ARHGAP42: variants seen among roughly 807,000 people sequenced by gnomAD.
ARHGAP42 encodes the protein rho GTPase-activating protein 42.
ARHGAP42 carries 63 observed loss-of-function variants against 125.0 expected under a neutral mutation model. That is an observed-to-expected ratio of 0.50 (90% confidence interval 0.41 to 0.62). The LOEUF (loss-of-function observed/expected upper bound fraction) is 0.62. Ranked by LOEUF, ARHGAP42 falls within the 20% of genes least tolerant of loss-of-function variation. The pLI is 0.00. For missense variants in ARHGAP42, 766 were observed against 1,024.2 expected (o/e 0.75, Z 3.44); for synonymous variants, 339 against 351.0 (o/e 0.97, Z 0.38).
intron 4 of ARHGAP42, among the ~76,000 whole-genome samples, chr11:100,906,746 A>C (rs1866749155): frequency 6.6e-6 from 1 of 152,096 alleles, no homozygotes; most frequent in South Asian, 2.1e-4. Flanking sequence ...TTCCTTATTT[A>C]CATTTAATTT....
chr11:100,937,428 T>G (rs758851579), intron 8 of ARHGAP42, among the ~76,000 whole-genome samples: 8 of 152,166 alleles, frequency 5.3e-5, no homozygotes, highest in Admixed American at 1.3e-4. Context: ...TTATTTTTTT[T>G]TTATTGTTAT....
In ARHGAP42 at chr11:100,687,487, G is replaced by A. The variant is rs1280641001; in HGVS notation, c.-192G>A. ...CCCGCGCCTGCGCTCGCCTAGCCTC[G>A]GGGGAGGAAGACTGAGCCCGGCGCA... On this transcript the variant is annotated 5_prime_UTR_variant, in exon 1 of 24. Coordinates refer to ENST00000298815, the MANE Select transcript of ARHGAP42 (RefSeq NM_152432.4). 3.6e-6 allele frequency: 1 copy of A among 278,156 alleles called. No individual in the cohort carries two copies. The highest frequency in any genetic ancestry group is 1.5e-4 in the South Asian group (1 of 6,530). The allele number at this position is 278,156 out of a possible 1,614,324, so 17.2% of individuals were successfully genotyped here.
chr11:100,851,747 C>T (rs2135128565), intron 3 of ARHGAP42, among the ~76,000 whole-genome samples: 1 of 152,300 alleles, frequency 6.6e-6, no homozygotes, highest in Non-Finnish European at 1.5e-5. Flanking sequence ...AGAACACATG[C>T]CCATTGTTAA....
intron 7 of ARHGAP42, among the ~76,000 whole-genome samples, chr11:100,933,966 T>C (rs12416898): frequency 0.046 from 7,004 of 152,208 alleles, 310 homozygotes; most frequent in East Asian, 0.25. Flanking sequence ...TTTGTATTTT[T>C]AGTAGAGACG....
intron 1 of ARHGAP42, among the ~76,000 whole-genome samples, chr11:100,748,484 G>T (rs1862359558): frequency 6.6e-6 from 1 of 152,194 alleles, no homozygotes; most frequent in South Asian, 2.1e-4. Context: ...ATTTTCAGTG[G>T]TTAATGTTAA....
In ARHGAP42 at chr11:100,974,025, C is replaced by T. The variant is rs556557682; in HGVS notation, c.1711-434C>T. Among the ~76,000 whole-genome samples the T allele has an allele frequency of 2.6e-5, 4 of 152,236 alleles. No individual in the cohort carries two copies. In the East Asian group the frequency reaches 5.8e-4, roughly 22 times the overall value. ...CTGTGTCCTGTAGCTCTGCACATAC[C>T]TTAACCTGCAGCTAGCCACACTCCT... is the stretch of plus-strand genomic sequence containing the variant. On this transcript the variant is annotated intron_variant, in intron 18 of 23. Transcript: ENST00000298815.
At position 100,973,251 on chromosome 11, in the gene ARHGAP42, G is replaced by C. The variant is rs755992509; in HGVS notation, c.1627G>C (p.Ala543Pro). 68 of 1,551,006 alleles carry C rather than the reference G, an allele frequency of 4.4e-5. No individual in the cohort carries two copies. Among genetic ancestry groups the C allele is most frequent in the Non-Finnish European group, 3.5e-6 (4 of 1,146,658 alleles). ...CATATTTGGCCCAACTCTAATGAGA[G>C]CACAGGAAGAAACTGTGGCTGCTAT... Reference protein sequence around the residue: ...GVIFGPTLMRAQEETVAAMMN... With the variant: ...GVIFGPTLMRPQEETVAAMMN... Residue 543 changes from alanine to proline, a missense_variant, in exon 18 of 24, where the codon GCA becomes CCA. Coordinates refer to ENST00000298815, the MANE Select transcript of ARHGAP42 (RefSeq NM_152432.4).
chr11:100,969,046 G>T (rs897367405), intron 17 of ARHGAP42, among the ~76,000 whole-genome samples: 6 of 152,098 alleles, frequency 3.9e-5, no homozygotes, highest in Non-Finnish European at 7.4e-5. Context: ...ATGCAGATCT[G>T]CTAGCAATAA....
chr11:100,942,963 T>C (rs1304309838), intron 9 of ARHGAP42, among the ~76,000 whole-genome samples: 1 of 152,010 alleles, frequency 6.6e-6, no homozygotes, highest in Non-Finnish European at 1.5e-5. Context: ...TTGATGACAT[T>C]TGTAGCCAAA....
At chr11:100,827,586 A>T (rs1217601850) in intron 3 of ARHGAP42, among the ~76,000 whole-genome samples, 1 of 152,154 alleles carries the variant, frequency 6.6e-6, no homozygotes. Flanking sequence ...AGGATGGGAA[A>T]CCTCATCAGT....
At chr11:100,959,231 G>C (rs1857892845) in intron 12 of ARHGAP42, among the ~76,000 whole-genome samples, 1 of 151,908 alleles carries the variant, frequency 6.6e-6, no homozygotes, top group African/African-American at 2.4e-5. Flanking sequence ...AATTAGAATT[G>C]ATCCAAAGAA....
At chr11:100,938,902 GAT>G (rs1867806807) in intron 8 of ARHGAP42, among the ~76,000 whole-genome samples, 2 of 152,226 alleles carry the variant, frequency 1.3e-5, no homozygotes, top group South Asian at 4.1e-4. Context: ...ACAAAAATGA[GAT>G]AAATATTTGG....
At chr11:100,893,158 GGTGTGTGTGTGT>G (rs142725608) in intron 4 of ARHGAP42, among the ~76,000 whole-genome samples, 3 of 146,988 alleles carry the variant, frequency 2.0e-5, no homozygotes, top group Non-Finnish European at 4.5e-5. Flanking sequence ...AACATTTAGG[GGTGTGTGTGTGT>G]GTGTGTGTGT....
intron 7 of ARHGAP42, among the ~76,000 whole-genome samples, 189 bp downstream of exon 7, chr11:100,933,449 T>C (rs945573964): frequency 2.6e-5 from 4 of 152,126 alleles, no homozygotes; most frequent in African/African-American, 9.7e-5. Flanking sequence ...CACCTGAAAG[T>C]TTATTAACTT....
chr11:100,714,389 T>TTGTG lies in ARHGAP42; in HGVS notation c.154+26587_154+26590dup, dbSNP rs10609660. Among the ~76,000 whole-genome samples, 1,004 of 149,776 alleles carry TTGTG rather than the reference T, an allele frequency of 6.7e-3. 9 individuals are homozygous for TTGTG. Among genetic ancestry groups the TTGTG allele is most frequent in the Middle Eastern group, 0.021 (6 of 292 alleles). ...TCACTTACATGTAAAACATAAAAAT[T>TTGTG]TGTGTGTGTGTGTGTGTGTGTGTGT... is the stretch of plus-strand genomic sequence containing the variant. On this transcript the variant is annotated intron_variant, in intron 1 of 23. Transcript: ENST00000298815.
intron 3 of ARHGAP42, among the ~76,000 whole-genome samples, chr11:100,850,700 T>C (rs1371473849): frequency 6.6e-6 from 1 of 152,130 alleles, no homozygotes; most frequent in Non-Finnish European, 1.5e-5. Flanking sequence ...TAAATATGTC[T>C]TTTCCAATAT....
chr11:100,895,453 T>C (rs1591275249), intron 4 of ARHGAP42, among the ~76,000 whole-genome samples: 1 of 151,786 alleles, frequency 6.6e-6, no homozygotes, highest in East Asian at 1.9e-4. Flanking sequence ...ATATCTGCAA[T>C]AATAATTTTT....
At chr11:100,705,977 CTTTTTTT>C (rs34731514) in intron 1 of ARHGAP42, among the ~76,000 whole-genome samples, 2 of 112,054 alleles carry the variant, frequency 1.8e-5, no homozygotes, top group Non-Finnish European at 1.8e-5. Context: ...AGTTAAGTAA[CTTTTTTT>C]TTTTTTTTTT....
chr11:100,955,643 G>T (rs562891), intron 12 of ARHGAP42, among the ~76,000 whole-genome samples: 134,155 of 152,058 alleles, frequency 0.88, 59,270 homozygotes, highest in East Asian at 1. Context: ...TTTCTCCTGT[G>T]TAGGATACTT....
Sources: allele counts gnomAD v4.1 joint callset (sites outside exome capture counted in the v4.1 genomes callset), GRCh38; gene constraint gnomAD v4.1.1; transcripts MANE v1.5; gene names NCBI Gene and HGNC (gene_info 2026-07-23, HGNC 2026-07-21).